Variants in POU2F2 observed in about 807,000 individuals in gnomAD.
POU2F2 encodes the protein POU domain, class 2, transcription factor 2.
Under a neutral mutation model 63.5 loss-of-function variants are expected in POU2F2, and 14 were observed. The observed-to-expected ratio is 0.22, with a 90% CI of 0.15 to 0.34. The LOEUF is 0.34. POU2F2 is among the 10% of genes least tolerant of loss of function. The probability of loss-of-function intolerance (pLI) is 1.00; values close to 1 mark genes in which losing one functional copy is unlikely to be tolerated. For synonymous variants in POU2F2, 306 were observed against 348.6 expected, an observed-to-expected ratio of 0.88 and a Z score of 1.36; for missense variants, 607 against 815.2, an observed-to-expected ratio of 0.74 and a Z score of 3.11.
intron 2 of POU2F2, among the ~76,000 whole-genome samples, chr19:42,159,005 G>A (rs541137140): frequency 2.1e-4 from 32 of 152,284 alleles, no homozygotes; most frequent in African/African-American, 7.5e-4. Context: ...TGAGCTTCAG[G>A]GGGTCTGTGA....
rs959667390 is a variant in POU2F2 at position 42,187,629 on chromosome 19, G to T, written c.-70+8754C>A. 7.2e-5 allele frequency among the ~76,000 whole-genome samples: 11 copies of T among 151,998 alleles called. No individual in the cohort carries two copies. The South Asian group carries it at 8.3e-4, about 12-fold the overall frequency. ...CTACAAAAATTAGCTGGGCATGGTG[G>T]TGGGCGCCTGTAATCCAAGCTACTT... is the stretch of plus-strand genomic sequence containing the variant. On this transcript the variant is annotated intron_variant, in intron 1 of 5. Transcript: ENST00000532176.
intron 1 of POU2F2, among the ~76,000 whole-genome samples, chr19:42,187,847 A>C (rs1265407910): frequency 1.3e-5 from 2 of 151,480 alleles, no homozygotes; most frequent in Non-Finnish European, 2.9e-5. Context: ...AAGAGAAGAG[A>C]ACCATGAGCC....
chr19:42,108,135 A>G (rs935163104), intron 5 of POU2F2, among the ~76,000 whole-genome samples: 1 of 152,134 alleles, frequency 6.6e-6, no homozygotes, highest in South Asian at 2.1e-4. Context: ...TCTTTCCTTC[A>G]TAGCAATTAT....
intron 1 of POU2F2, 43 bp downstream of exon 1, chr19:42,132,341 C>G (rs755060421): frequency 1.3e-6 from 2 of 1,585,112 alleles, no homozygotes; most frequent in Non-Finnish European, 1.7e-6. Flanking sequence ...CCTAAATGTG[C>G]TGCCTGTCCT....
chr19:42,189,887 G>A (rs918507261), intron 1 of POU2F2, among the ~76,000 whole-genome samples: 1 of 152,068 alleles, frequency 6.6e-6, no homozygotes, highest in Non-Finnish European at 1.5e-5. Context: ...CACCATACTT[G>A]GCTAATTTTT....
intron 2 of POU2F2, among the ~76,000 whole-genome samples, chr19:42,144,585 C>G (rs2034193393): frequency 6.6e-6 from 1 of 152,254 alleles, no homozygotes; most frequent in Non-Finnish European, 1.5e-5. Flanking sequence ...TCCTGAGGAG[C>G]TCTCAAGCCT....
chr19:42,164,557 C>G (rs370211461), intron 1 of POU2F2, among the ~76,000 whole-genome samples: 3 of 148,150 alleles, frequency 2.0e-5, no homozygotes, highest in Non-Finnish European at 3.0e-5. Context: ...GGTGACAGTG[C>G]GAGACTCTGT....
At chr19:42,174,969 G>A (rs2034844924) in intron 1 of POU2F2, among the ~76,000 whole-genome samples, 1 of 152,294 alleles carries the variant, frequency 6.6e-6, no homozygotes, top group African/African-American at 2.4e-5. Flanking sequence ...TCAGGCCAAA[G>A]GCTTTCTCTC....
At chr19:42,116,826 C>CGAGGAGGAGGCAGAGGAGGAGGAG (rs2031939200) in intron 5 of POU2F2, 2 of 390,332 alleles carry the variant, frequency 5.1e-6, no homozygotes, top group South Asian at 3.7e-5. Flanking sequence ...GCTGTGAGGT[C>CGAGGAGGAGGCAGAGGAGGAGGAG]GAGGAGGAGG....
In POU2F2 at chr19:42,092,612, C is replaced by G. The variant is rs953402549; in HGVS notation, c.1265-342G>C. Among the ~76,000 whole-genome samples, 1 of 151,110 alleles carries G rather than the reference C, an allele frequency of 6.6e-6. No individual in the cohort carries two copies. The highest frequency in any genetic ancestry group is 2.4e-5 in the African/African-American group (1 of 41,016). Reference sequence around the variant, plus strand: ...GGGGCTGGGGAGGGGCGAAGGGTGCCAGGCACACTGCCACATCTGAGGGAT... The same window carrying G: ...GGGGCTGGGGAGGGGCGAAGGGTGCGAGGCACACTGCCACATCTGAGGGAT... On this transcript the variant is annotated intron_variant, in intron 12 of 14. Coordinates refer to ENST00000692977, the MANE Select transcript of POU2F2 (RefSeq NM_001394376.1). This position sits in a 1 kb window ranked among gnomAD's most constrained non-coding sequence, Gnocchi z 5.0.
intron 5 of POU2F2, among the ~76,000 whole-genome samples, chr19:42,109,455 T>C (rs1051987543): frequency 1.3e-5 from 2 of 152,204 alleles, no homozygotes; most frequent in Admixed American, 1.3e-4. Context: ...GTCTGGGAAC[T>C]ATGTAAACTA....
At position 42,096,018 on chromosome 19, in the gene POU2F2, C is replaced by T; in HGVS notation, c.729+64G>A. 5 of 1,609,448 alleles carry T rather than the reference C, an allele frequency of 3.1e-6. No individual in the cohort carries two copies. The highest frequency in any genetic ancestry group is 1.1e-5 in the South Asian group (1 of 90,712). On this transcript the variant is annotated intron_variant, in intron 8 of 14. Coordinates refer to ENST00000692977, the MANE Select transcript of POU2F2 (RefSeq NM_001394376.1). This position sits in a 1 kb window ranked among gnomAD's most constrained non-coding sequence, Gnocchi z 4.1. The stretch of plus-strand genomic sequence containing the variant: ...CCGCCCGCCCACTGGCCACGCCCCT[C>T]GCGGCATCTATCAACTGGCCACGCC...
chr19:42,167,449 G>A (rs1322675453), intron 1 of POU2F2, among the ~76,000 whole-genome samples: 1 of 149,658 alleles, frequency 6.7e-6, no homozygotes, highest in Non-Finnish European at 1.5e-5. Flanking sequence ...GCAACACTCT[G>A]TCCCCCCAAA....
chr19:42,113,289 T>C (rs773588166), intron 5 of POU2F2, among the ~76,000 whole-genome samples: 3 of 152,212 alleles, frequency 2.0e-5, no homozygotes, highest in Non-Finnish European at 2.9e-5. Context: ...CCTGGAGAGA[T>C]ATCTCTCCTA....
intron 2 of POU2F2, among the ~76,000 whole-genome samples, chr19:42,145,755 T>G (rs2146762565): frequency 6.6e-6 from 1 of 152,144 alleles, no homozygotes; most frequent in South Asian, 2.1e-4. Context: ...ACCAACACAG[T>G]GAAATCCGTC....
At chr19:42,123,090 G>A (rs1219432504) in intron 1 of POU2F2, 2 of 152,740 alleles carry the variant, frequency 1.3e-5, no homozygotes, top group Non-Finnish European at 2.9e-5. Context: ...CTCAGCATGT[G>A]TGATTCAGCC....
At chr19:42,112,363 C>T (rs1039029654) in intron 5 of POU2F2, among the ~76,000 whole-genome samples, 1 of 152,092 alleles carries the variant, frequency 6.6e-6, no homozygotes, top group African/African-American at 2.4e-5. Flanking sequence ...AGCCAGGGGA[C>T]GTGTTTTTGT....
At chr19:42,127,373 G>A (rs536052979) in intron 1 of POU2F2, among the ~76,000 whole-genome samples, 1 of 151,406 alleles carries the variant, frequency 6.6e-6, no homozygotes, top group East Asian at 2.0e-4. Context: ...CCCAGCATAA[G>A]CTCTGTTTTC....
chr19:42,197,604 AGAGAAAC>A (rs1460371708), upstream of POU2F2, among the ~76,000 whole-genome samples: 2 of 152,182 alleles, frequency 1.3e-5, no homozygotes, highest in African/African-American at 4.8e-5. Context: ...ATATTGAGTA[AGAGAAAC>A]GAGTTCCTGA....
Sources: allele counts gnomAD v4.1 joint callset (sites outside exome capture counted in the v4.1 genomes callset), GRCh38; gene constraint gnomAD v4.1.1; non-coding constraint Gnocchi (gnomAD v3.1); transcripts MANE v1.5; gene names NCBI Gene and HGNC (gene_info 2026-07-23, HGNC 2026-07-21).